LRRIQ1: variants seen among roughly 807,000 people sequenced by gnomAD.
The protein encoded by LRRIQ1 is leucine-rich repeat- and IQ domain-containing protein 1.
Under a neutral mutation model 211.9 loss-of-function variants are expected in LRRIQ1, and 210 were observed. The ratio of observed to expected loss-of-function variants is 0.99; its 90% confidence interval spans 0.89 to 1.11. The LOEUF (loss-of-function observed/expected upper bound fraction) is 1.11, where lower values mean the gene tolerates loss of function less well. LRRIQ1 is among the 50% of genes most tolerant of loss of function. LRRIQ1 has a pLI of 0.00. For synonymous variants in LRRIQ1, 699 were observed against 650.1 expected, an observed-to-expected ratio of 1.08 and a Z score of -1.14; for missense variants, 2,136 against 1,939.5, an observed-to-expected ratio of 1.10 and a Z score of -1.90.
chr12:85,162,343 TAACTC>T (rs1890929615), intron 24 of LRRIQ1, among the ~76,000 whole-genome samples: 2 of 152,170 alleles, frequency 1.3e-5, no homozygotes, highest in African/African-American at 2.4e-5. Context: ...GTTATAGTCT[TAACTC>T]TACCATTTCA....
chr12:85,218,663 A>C (rs1894264457), intron 24 of LRRIQ1, among the ~76,000 whole-genome samples: 1 of 152,144 alleles, frequency 6.6e-6, no homozygotes, highest in Non-Finnish European at 1.5e-5. Context: ...TGAATTTCCT[A>C]TAAGTCAGAT....
chr12:85,239,020 T>G (rs1288267547), intron 26 of LRRIQ1, among the ~76,000 whole-genome samples: 1 of 152,062 alleles, frequency 6.6e-6, no homozygotes, highest in Non-Finnish European at 1.5e-5. Flanking sequence ...ATGTCAAAAA[T>G]GGAAAATATT....
At chr12:85,240,968 TA>T (rs1167381713) in intron 26 of LRRIQ1, among the ~76,000 whole-genome samples, 1 of 152,106 alleles carries the variant, frequency 6.6e-6, no homozygotes, top group Non-Finnish European at 1.5e-5. Context: ...ATACAATACA[TA>T]ATCTATACAT....
chr12:85,064,493 T>G (rs1882211926), intron 8 of LRRIQ1, among the ~76,000 whole-genome samples: 1 of 151,874 alleles, frequency 6.6e-6, no homozygotes, highest in African/African-American at 2.4e-5. Context: ...TGTTGATTGT[T>G]TCCTTTGCTG....
intron 24 of LRRIQ1, among the ~76,000 whole-genome samples, chr12:85,188,448 A>T (rs1892335296): frequency 6.6e-6 from 1 of 152,180 alleles, no homozygotes; most frequent in Non-Finnish European, 1.5e-5. Context: ...CAACCAGGTG[A>T]TAGGTGGCAA....
At chr12:85,200,827 TCTTTTTTTTTGAGA>T (rs941489899) in intron 24 of LRRIQ1, among the ~76,000 whole-genome samples, 4 of 151,908 alleles carry the variant, frequency 2.6e-5, no homozygotes, top group African/African-American at 9.7e-5. Flanking sequence ...CATTTTTTTT[TCTTTTTTTTTGAGA>T]CAGGGTCTCA....
At chr12:85,065,860 G>T (rs1882373070) in intron 9 of LRRIQ1, among the ~76,000 whole-genome samples, 1 of 151,874 alleles carries the variant, frequency 6.6e-6, no homozygotes. Context: ...TATGTCTGCT[G>T]CCTTGGCAGG....
chr12:85,233,001 A>T (rs1360262513), intron 26 of LRRIQ1: 6 of 369,964 alleles, frequency 1.6e-5, no homozygotes, highest in South Asian at 4.8e-5. Flanking sequence ...GCATCCTACA[A>T]CTTTAAAATA....
At chr12:85,130,784 G>T (rs1315209508) in intron 18 of LRRIQ1, among the ~76,000 whole-genome samples, 2 of 152,100 alleles carry the variant, frequency 1.3e-5, no homozygotes, top group African/African-American at 4.8e-5. Context: ...AAAATGAAAG[G>T]TTTTGTGAAG....
intron 11 of LRRIQ1, among the ~76,000 whole-genome samples, chr12:85,086,536 C>T (rs1195171872): frequency 6.6e-6 from 1 of 152,056 alleles, no homozygotes; most frequent in African/African-American, 2.4e-5. Flanking sequence ...CAGCACTATG[C>T]TTCCTGTAAA....
At chr12:85,200,074 A>G (rs1478356988) in intron 24 of LRRIQ1, among the ~76,000 whole-genome samples, 1 of 152,172 alleles carries the variant, frequency 6.6e-6, no homozygotes, top group Non-Finnish European at 1.5e-5. Context: ...TGACCATTTT[A>G]ACAATATTGA....
intron 26 of LRRIQ1, among the ~76,000 whole-genome samples, chr12:85,241,242 G>A (rs538819056): frequency 9.2e-5 from 14 of 152,032 alleles, no homozygotes; most frequent in African/African-American, 2.2e-4. Context: ...TATGGGAGTT[G>A]AACTTCATGT....
chr12:85,118,599 A>G (rs1887750392), intron 15 of LRRIQ1, among the ~76,000 whole-genome samples: 1 of 151,560 alleles, frequency 6.6e-6, no homozygotes, highest in African/African-American at 2.4e-5. Context: ...TAAGATTATA[A>G]CTATACACAG....
At chr12:85,177,156 T>C (rs1436760494) in intron 24 of LRRIQ1, among the ~76,000 whole-genome samples, 1 of 152,174 alleles carries the variant, frequency 6.6e-6, no homozygotes, top group East Asian at 1.9e-4. Context: ...AGCTCACCTT[T>C]AGAATGTGTT....
intron 11 of LRRIQ1, among the ~76,000 whole-genome samples, chr12:85,073,889 T>C (rs1241179337): frequency 6.6e-6 from 1 of 152,054 alleles, no homozygotes; most frequent in Non-Finnish European, 1.5e-5. Context: ...GATATATTGA[T>C]GCTAAGAACT....
chr12:85,248,212 T>A (rs1164801097), downstream of LRRIQ1, among the ~76,000 whole-genome samples: 1 of 151,610 alleles, frequency 6.6e-6, no homozygotes, highest in Non-Finnish European at 1.5e-5. Context: ...TCATGTATAA[T>A]GATCATATTT....
At chr12:85,108,504 A>G (rs1022076249) in intron 15 of LRRIQ1, among the ~76,000 whole-genome samples, 2 of 152,026 alleles carry the variant, frequency 1.3e-5, no homozygotes, top group Non-Finnish European at 2.9e-5. Flanking sequence ...TTCAGTTTCT[A>G]CTGGTCCTTT....
intron 26 of LRRIQ1, among the ~76,000 whole-genome samples, chr12:85,243,311 C>CTTT (rs952771814): frequency 3.0e-5 from 3 of 100,308 alleles, no homozygotes; most frequent in African/African-American, 1.2e-4. Context: ...TAATGTATAA[C>CTTT]TTTTATTATT....
At chr12:85,272,695 T>G in the LRRIQ1 span, among the ~76,000 whole-genome samples, 1 of 152,150 alleles carries the variant, frequency 6.6e-6, no homozygotes, top group Non-Finnish European at 1.5e-5. Context: ...TTCATGAAGT[T>G]TTGTGAACTG....
Sources: allele counts gnomAD v4.1 joint callset (sites outside exome capture counted in the v4.1 genomes callset), GRCh38; gene constraint gnomAD v4.1.1; transcripts MANE v1.5; gene names NCBI Gene and HGNC (gene_info 2026-07-23, HGNC 2026-07-21).